The following HABP2 variants were observed in gnomAD, a reference collection of about 807,000 sequenced individuals.
HABP2 encodes hyaluronan binding protein 2.
A neutral mutation model predicts 66.5 loss-of-function variants in HABP2; 65 were observed. The observed-to-expected ratio is 0.98, with a 90% CI of 0.80 to 1.20. The LOEUF is 1.20. Ranked by LOEUF, HABP2 falls within the 50% of genes most tolerant of loss-of-function variation. HABP2 has a pLI of 0.00. For synonymous variants in HABP2, 263 were observed against 253.9 expected, an observed-to-expected ratio of 1.04 and a Z score of -0.34; for missense variants, 786 against 691.0, an observed-to-expected ratio of 1.14 and a Z score of -1.54.
intron 2 of HABP2, among the ~76,000 whole-genome samples, chr10:113,572,932 G>A (rs1191148378): frequency 2.0e-5 from 3 of 152,158 alleles, no homozygotes; most frequent in Admixed American, 6.5e-5. Context: ...TGCAAAAGTC[G>A]ATTTTTCAAA....
At chr10:113,567,556 A>G in intron 2 of HABP2, 31 bp downstream of exon 2, 2 of 1,552,006 alleles carry the variant, frequency 1.3e-6, no homozygotes, top group Non-Finnish European at 1.8e-6. Flanking sequence ...GGGGCTTCCC[A>G]CCAATCCCAG....
chr10:113,579,344 A>G (rs1314353684), intron 7 of HABP2, among the ~76,000 whole-genome samples: 2 of 152,188 alleles, frequency 1.3e-5, no homozygotes, highest in Non-Finnish European at 2.9e-5. Context: ...ATTCAGCTCC[A>G]CAGGCTTACT....
intron 11 of HABP2, among the ~76,000 whole-genome samples, chr10:113,584,678 T>TA (rs970920908): frequency 1.3e-5 from 2 of 152,192 alleles, no homozygotes; most frequent in African/African-American, 2.4e-5. Context: ...TAATCATACT[T>TA]ACTTCCCGGG....
upstream of HABP2, among the ~76,000 whole-genome samples, chr10:113,551,430 A>G (rs1239499329): frequency 6.6e-6 from 1 of 152,230 alleles, no homozygotes; most frequent in Admixed American, 6.5e-5. Flanking sequence ...CTCAGGAGTG[A>G]GCAGGGTTCC....
chr10:113,554,013 T>A (rs1844946848), intron 1 of HABP2, among the ~76,000 whole-genome samples: 1 of 152,148 alleles, frequency 6.6e-6, no homozygotes, highest in African/African-American at 2.4e-5. Flanking sequence ...GGAGCCAGGG[T>A]TCGAATCTCA....
chr10:113,575,384 G>A (rs1477610674), intron 3 of HABP2, among the ~76,000 whole-genome samples: 1 of 152,202 alleles, frequency 6.6e-6, no homozygotes, highest in African/African-American at 2.4e-5. Flanking sequence ...TTTCCTCCTT[G>A]CCGCCAATTC....
rs760661336 is a variant in HABP2, at chr10:113,588,946, G to T, written c.*577G>T. ...TCTCTGGTGAACAAACTTCCTCTCT[G>T]GCCTCTCAGGAATCAGGGTGGACAT... On this transcript the variant is annotated 3_prime_UTR_variant, in exon 13 of 13. Coordinates refer to ENST00000351270, the MANE Select transcript of HABP2 (RefSeq NM_004132.5). 4 of 1,555,848 alleles carry T rather than the reference G, an allele frequency of 2.6e-6. No homozygotes were observed. The African/African-American group carries it at 4.3e-5, about 17-fold the overall frequency.
intron 1 of HABP2, among the ~76,000 whole-genome samples, chr10:113,564,687 G>A (rs1845165036): frequency 6.6e-6 from 1 of 152,210 alleles, no homozygotes; most frequent in Non-Finnish European, 1.5e-5. Flanking sequence ...GAAGAATAAT[G>A]CAATGAATAT....
rs755870208 is a variant in HABP2, at chr10:113,582,148, G to GC, written c.1094+18dup. 1.6e-5 allele frequency: 25 copies of GC among 1,593,212 alleles called. No individual in the cohort carries two copies. Among genetic ancestry groups the GC allele is most frequent in the Non-Finnish European group, 2.0e-5 (24 of 1,176,970 alleles). ...CTGCACCGAGTAGGTGCCGCTGGGA[G>GC]CAGGGACCAGGGTGGCTTGAGTGGC... On this transcript the variant is annotated intron_variant, in intron 9 of 12. Transcript: ENST00000351270.
intron 1 of HABP2, among the ~76,000 whole-genome samples, chr10:113,557,273 G>A (rs3781388): frequency 0.33 from 50,770 of 151,816 alleles, 8,738 homozygotes; most frequent in Middle Eastern, 0.48. Flanking sequence ...GAAAGGGGAG[G>A]GACTGATTTT....
chr10:113,571,470 G>A (rs912013843), intron 2 of HABP2, among the ~76,000 whole-genome samples: 2 of 152,090 alleles, frequency 1.3e-5, no homozygotes, highest in African/African-American at 2.4e-5. Context: ...CTCTGAGCTG[G>A]CACACCGTCC....
At chr10:113,579,305 A>T (rs1845476099) in intron 7 of HABP2, among the ~76,000 whole-genome samples, 1 of 152,118 alleles carries the variant, frequency 6.6e-6, no homozygotes, top group Non-Finnish European at 1.5e-5. Context: ...TCCATGTGTC[A>T]TGTGGGTTGG....
intron 9 of HABP2, among the ~76,000 whole-genome samples, 190 bp downstream of exon 9, chr10:113,582,321 C>G (rs1313293155): frequency 6.6e-6 from 1 of 152,200 alleles, no homozygotes; most frequent in Non-Finnish European, 1.5e-5. Flanking sequence ...ATGGGCACTG[C>G]ATTTATTATA....
At chr10:113,560,283 G>A (rs988149848) in intron 1 of HABP2, among the ~76,000 whole-genome samples, 1 of 152,206 alleles carries the variant, frequency 6.6e-6, no homozygotes, top group African/African-American at 2.4e-5. Context: ...TGCCTACGAA[G>A]GGATGGAGTT....
rs776823666 is a variant in HABP2 at position 113,581,863 on chromosome 10, T to C, written c.839-13T>C. ...GGCTGAATAGCACAATTTATCTTTC[T>C]TGTGTCCCACAGACGTTGCCTACCC... On this transcript the variant is annotated splice_polypyrimidine_tract_variant and intron_variant, in intron 8 of 12. Transcript: ENST00000351270. 4 of 1,613,712 alleles carry C rather than the reference T, an allele frequency of 2.5e-6. No individual in the cohort carries two copies. Among genetic ancestry groups the C allele is most frequent in the Non-Finnish European group, 3.4e-6 (4 of 1,179,812 alleles).
chr10:113,562,527 C>T (rs1845118789), intron 1 of HABP2, among the ~76,000 whole-genome samples: 2 of 151,650 alleles, frequency 1.3e-5, no homozygotes, highest in South Asian at 4.2e-4. Context: ...TCACTGCAGC[C>T]TCCACTTCTC....
At chr10:113,587,578 G>A (rs994875620) in intron 12 of HABP2, among the ~76,000 whole-genome samples, 1 of 152,264 alleles carries the variant, frequency 6.6e-6, no homozygotes, top group East Asian at 1.9e-4. Context: ...GTCAGTTGTA[G>A]TGTTTAAGCA....
At chr10:113,568,661 C>T (rs966165770) in intron 2 of HABP2, among the ~76,000 whole-genome samples, 4 of 152,152 alleles carry the variant, frequency 2.6e-5, no homozygotes, top group Admixed American at 6.5e-5. Context: ...GATGAACACA[C>T]CACCACCCAC....
intron 1 of HABP2, among the ~76,000 whole-genome samples, chr10:113,558,814 C>G (rs934887068): frequency 1.3e-5 from 2 of 152,136 alleles, no homozygotes; most frequent in African/African-American, 4.8e-5. Context: ...ATGAGGCGGC[C>G]CCACGCTCAG....
Sources: allele counts gnomAD v4.1 joint callset (sites outside exome capture counted in the v4.1 genomes callset), GRCh38; gene constraint gnomAD v4.1.1; transcripts MANE v1.5; gene names NCBI Gene and HGNC (gene_info 2026-07-23, HGNC 2026-07-21).